Variants in SGPP2 observed in about 807,000 individuals in gnomAD.
SGPP2 encodes the protein sphingosine 1-phosphate phosphohydrolase 2.
A neutral mutation model predicts 33.9 loss-of-function variants in SGPP2; 30 were observed. That is an observed-to-expected ratio of 0.89 (90% confidence interval 0.66 to 1.20). The LOEUF is 1.20. SGPP2 is among the 50% of genes most tolerant of loss of function. The pLI is 0.00. For synonymous variants in SGPP2, 233 were observed against 225.0 expected, an observed-to-expected ratio of 1.04 and a Z score of -0.32; for missense variants, 458 against 532.1, an observed-to-expected ratio of 0.86 and a Z score of 1.37.
At chr2:222,526,014 G>A (rs981886145) in intron 4 of SGPP2, among the ~76,000 whole-genome samples, 1 of 152,170 alleles carries the variant, frequency 6.6e-6, no homozygotes, top group Admixed American at 6.5e-5. Context: ...CTTCCCAAGG[G>A]TCTATCAGAG....
At chr2:222,480,337 C>T (rs1264867019) in intron 2 of SGPP2, among the ~76,000 whole-genome samples, 1 of 152,164 alleles carries the variant, frequency 6.6e-6, no homozygotes, top group South Asian at 2.1e-4. Flanking sequence ...GCCTCATTTT[C>T]TCTGTTTTAT....
chr2:222,509,896 C>A (rs566805285), intron 2 of SGPP2, among the ~76,000 whole-genome samples: 11 of 152,328 alleles, frequency 7.2e-5, no homozygotes, highest in African/African-American at 2.4e-4. Context: ...TATCCATTAG[C>A]ACACACTACC....
intron 2 of SGPP2, among the ~76,000 whole-genome samples, chr2:222,483,137 T>G (rs918101997): frequency 6.6e-6 from 1 of 152,216 alleles, no homozygotes; most frequent in African/African-American, 2.4e-5. Flanking sequence ...TAATATGGCT[T>G]TACTTATTTT....
chr2:222,456,337 C>T (rs565625894), intron 1 of SGPP2, among the ~76,000 whole-genome samples: 33 of 152,282 alleles, frequency 2.2e-4, no homozygotes, highest in Non-Finnish European at 2.1e-4. Context: ...TTCTGTATTG[C>T]ACCGTCCATA....
At chr2:222,554,793 A>G (rs1459553416) in intron 4 of SGPP2, among the ~76,000 whole-genome samples, 1 of 152,174 alleles carries the variant, frequency 6.6e-6, no homozygotes, top group Non-Finnish European at 1.5e-5. Flanking sequence ...GCGGGCATTC[A>G]GTGGCAACAA....
chr2:222,495,669 G>C (rs1698268810), intron 2 of SGPP2, among the ~76,000 whole-genome samples: 1 of 152,052 alleles, frequency 6.6e-6, no homozygotes, highest in Non-Finnish European at 1.5e-5. Context: ...CCTTCTCCCT[G>C]TGGCTCAGAT....
chr2:222,519,261 G>C (rs1434271239), intron 2 of SGPP2, among the ~76,000 whole-genome samples: 1 of 152,080 alleles, frequency 6.6e-6, no homozygotes, highest in Non-Finnish European at 1.5e-5. Flanking sequence ...GCAATCTTGT[G>C]AAAATAGAGA....
At chr2:222,529,179 C>T (rs1698802732) in intron 4 of SGPP2, among the ~76,000 whole-genome samples, 1 of 152,170 alleles carries the variant, frequency 6.6e-6, no homozygotes, top group African/African-American at 2.4e-5. Flanking sequence ...ATGTTCACAG[C>T]ATCTTCACCT....
chr2:222,454,146 T>C (rs898632953), intron 1 of SGPP2, among the ~76,000 whole-genome samples: 2 of 152,206 alleles, frequency 1.3e-5, no homozygotes, highest in African/African-American at 4.8e-5. Context: ...ATTTAAGCAT[T>C]TTTACTTCAT....
chr2:222,532,525 C>G (rs547279858), intron 4 of SGPP2, among the ~76,000 whole-genome samples: 69 of 152,262 alleles, frequency 4.5e-4, no homozygotes, highest in Middle Eastern at 3.4e-3. Flanking sequence ...ATCATCCTCA[C>G]CAAACCAGAT....
In SGPP2 at chr2:222,559,129, C is replaced by A. The variant is rs1411301998; in HGVS notation, c.*231C>A. On this transcript the variant is annotated 3_prime_UTR_variant, in exon 5 of 5. Transcript: ENST00000321276. ...GCTACAGTTGAACCCAGGCTAAAGA[C>A]CATAATCCGGATCTTTAAAGGCACA... 2.6e-5 allele frequency: 9 copies of A among 349,596 alleles called. No homozygotes were observed. The highest frequency in any genetic ancestry group is 1.6e-5 in the Non-Finnish European group (3 of 191,328). 21.7% of individuals were successfully genotyped at this position (349,596 alleles called of 1,614,324 possible).
intron 2 of SGPP2, among the ~76,000 whole-genome samples, chr2:222,500,062 G>A (rs1698343774): frequency 6.6e-6 from 1 of 152,222 alleles, no homozygotes; most frequent in Admixed American, 6.5e-5. Context: ...GTCTGGCTGA[G>A]TGGTGTTCAT....
rs751694231 is a variant in SGPP2, at chr2:222,521,812, C to A, written c.424C>A (p.Pro142Thr). The change falls in exon 3 of 5, where the codon CCC (proline) becomes ACC (threonine). Residue 142 changes from proline to threonine, a missense_variant. Physicochemically the swap from Pro to Thr is conservative, Grantham distance 38. Coordinates refer to ENST00000321276, the MANE Select transcript of SGPP2 (RefSeq NM_152386.4). ...GQVAKDVLKWPRPSSPPVVKL... is the reference protein window; with the variant it reads ...GQVAKDVLKWTRPSSPPVVKL... Reference sequence around the variant, plus strand: ...AGTGGCCAAGGATGTCTTGAAGTGGCCCCGTCCCTCCTCCCCTCCAGTTGT... The same window carrying A: ...AGTGGCCAAGGATGTCTTGAAGTGGACCCGTCCCTCCTCCCCTCCAGTTGT... The A allele has an allele frequency of 3.7e-6, 6 of 1,610,074 alleles. No homozygotes were observed. Among genetic ancestry groups the A allele is most frequent in the Non-Finnish European group, 5.1e-6 (6 of 1,178,728 alleles).
chr2:222,456,476 A>G (rs557281900), intron 1 of SGPP2, among the ~76,000 whole-genome samples: 20 of 152,356 alleles, frequency 1.3e-4, no homozygotes, highest in East Asian at 1.9e-4. Context: ...GCACAGCTCT[A>G]TGGCAGCTTA....
chr2:222,481,662 C>T (rs574480573), intron 2 of SGPP2, among the ~76,000 whole-genome samples: 3 of 152,298 alleles, frequency 2.0e-5, no homozygotes, highest in African/African-American at 7.2e-5. Context: ...AGGTCCTTTA[C>T]AGGCCATTTA....
At position 222,525,013 on chromosome 2, in the gene SGPP2, A is replaced by G; in HGVS notation, c.628A>G (p.Thr210Ala). Residue 210 changes from threonine (T) to alanine (A), a missense_variant, in exon 4 of 5, where the codon ACT becomes GCT. By Grantham distance (58) the Thr-to-Ala change is moderately conservative. Transcript: ENST00000321276. ...CTTGGTGTGTCTCAGCAGGCTCTAC[A>G]CTGGGATGCATACGGTCCTGGTAAG... ...STLVCLSRLY[T>A]GMHTVLDVLG... 6.2e-7 allele frequency: 1 copy of G among 1,613,984 alleles called. No individual in the cohort carries two copies. Among genetic ancestry groups the G allele is most frequent in the African/African-American group, 1.3e-5 (1 of 75,018 alleles).
At chr2:222,520,323 C>G (rs1698664141) in intron 2 of SGPP2, among the ~76,000 whole-genome samples, 1 of 151,874 alleles carries the variant, frequency 6.6e-6, no homozygotes, top group East Asian at 1.9e-4. Flanking sequence ...GCTGGTATGT[C>G]TTCTTTTGAG....
chr2:222,507,849 T>A (rs1232295322), intron 2 of SGPP2, among the ~76,000 whole-genome samples: 1 of 152,248 alleles, frequency 6.6e-6, no homozygotes, highest in Non-Finnish European at 1.5e-5. Flanking sequence ...TATCTCATAA[T>A]TTTTTAACAG....
At chr2:222,504,995 C>G (rs975334583) in intron 2 of SGPP2, among the ~76,000 whole-genome samples, 2 of 152,176 alleles carry the variant, frequency 1.3e-5, no homozygotes, top group East Asian at 3.8e-4. Flanking sequence ...GCAAGGCTTA[C>G]AAGTTGTTCA....
Sources: allele counts gnomAD v4.1 joint callset (sites outside exome capture counted in the v4.1 genomes callset), GRCh38; gene constraint gnomAD v4.1.1; transcripts MANE v1.5; gene names NCBI Gene and HGNC (gene_info 2026-07-23, HGNC 2026-07-21).